The following KIAA1217 variants were observed in gnomAD, a reference collection of about 807,000 sequenced individuals.
KIAA1217 encodes the protein KIAA1217, also known as sickle tail protein homolog.
KIAA1217 carries 88 observed loss-of-function variants against 163.9 expected under a neutral mutation model. That is an observed-to-expected ratio of 0.54 (90% CI 0.45 to 0.64). KIAA1217 has a LOEUF of 0.64. Among genes scored for constraint, KIAA1217 ranks in the 30% least tolerant of loss-of-function variants. The pLI is 0.00. For synonymous variants in KIAA1217, 903 were observed against 923.1 expected, an observed-to-expected ratio of 0.98 and a Z score of 0.39; for missense variants, 2,372 against 2,475.0, an observed-to-expected ratio of 0.96 and a Z score of 0.88.
intron 1 of KIAA1217, among the ~76,000 whole-genome samples, chr10:23,804,242 G>T (rs549381751): frequency 6.6e-6 from 1 of 152,110 alleles, no homozygotes; most frequent in African/African-American, 2.4e-5. Flanking sequence ...TAAATCAACT[G>T]CCAGGATACC....
At chr10:24,176,813 G>C (rs917818655) in intron 2 of KIAA1217, among the ~76,000 whole-genome samples, 2 of 152,218 alleles carry the variant, frequency 1.3e-5, no homozygotes, top group Non-Finnish European at 2.9e-5. Flanking sequence ...CCATGCGGTA[G>C]CCCACGGGGC....
chr10:23,837,097 C>T (rs1485538797), intron 1 of KIAA1217, among the ~76,000 whole-genome samples: 2 of 152,136 alleles, frequency 1.3e-5, no homozygotes, highest in African/African-American at 2.4e-5. Flanking sequence ...TCCTTATAAG[C>T]GAGAACATGC....
chr10:24,245,016 T>C (rs1054223265), intron 2 of KIAA1217, among the ~76,000 whole-genome samples: 4 of 152,038 alleles, frequency 2.6e-5, no homozygotes, highest in African/African-American at 9.7e-5. Context: ...CTAGAGCTCT[T>C]ATAGAAAAGG....
intron 1 of KIAA1217, among the ~76,000 whole-genome samples, chr10:23,996,495 A>C (rs1293333748): frequency 1.3e-5 from 2 of 152,146 alleles, no homozygotes; most frequent in Admixed American, 1.3e-4. Flanking sequence ...CTGTGTATCC[A>C]ACACCTGTCA....
At chr10:24,503,572 C>G (rs888918579) in intron 9 of KIAA1217, among the ~76,000 whole-genome samples, 1 of 152,216 alleles carries the variant, frequency 6.6e-6, no homozygotes, top group Non-Finnish European at 1.5e-5. Flanking sequence ...TCAGTTCCAA[C>G]TGGCTCTTAA....
Position 23,764,546 on chromosome 10 carries a change from A to T in KIAA1217, c.-321+69312A>T, listed in dbSNP as rs533235003. 1.3e-3 allele frequency among the ~76,000 whole-genome samples: 191 copies of T among 152,338 alleles called. 1 individual carries two copies. Among genetic ancestry groups the T allele is most frequent in the Non-Finnish European group, 2.2e-3 (153 of 68,030 alleles). On this transcript the variant is annotated intron_variant, in intron 1 of 18. Coordinates refer to the KIAA1217 transcript ENST00000376462. ...ATAGCAAAAACATGGAACCAACCCA[A>T]ATGCCCAGCAATGATAGACTGGATA... is the stretch of plus-strand genomic sequence containing the variant.
rs1466134731 is a variant in KIAA1217 at position 24,524,662 on chromosome 10, T to G, written c.2796T>G (p.Ala932=). ...CCTCCACTCTGCAGATGTCGCAGGC[T>G]CCGCAGTCCCCACAGATACCCATGA... ...EATSTLQMSQ[A]PQSPQIPMNG... is the part of the protein sequence containing the mutation. The change falls in exon 13 of 21, where the codon GCT becomes GCG. Residue 932 remains alanine (A), a synonymous_variant. Transcript: ENST00000376454. 1 of 1,614,168 alleles carries G rather than the reference T, an allele frequency of 6.2e-7. No homozygotes were observed. Among genetic ancestry groups the G allele is most frequent in the East Asian group, 2.2e-5 (1 of 44,878 alleles).
chr10:24,499,514 C>T (rs2067244016), intron 8 of KIAA1217, among the ~76,000 whole-genome samples: 1 of 152,182 alleles, frequency 6.6e-6, no homozygotes, highest in Admixed American at 6.5e-5. Context: ...AGGTGGATCA[C>T]CTGAGGTCAG....
chr10:24,281,942 A>G (rs1564399366), intron 2 of KIAA1217, among the ~76,000 whole-genome samples: 1 of 152,138 alleles, frequency 6.6e-6, no homozygotes, highest in Non-Finnish European at 1.5e-5. Context: ...CTGTAGTCCC[A>G]GCTACTCAGG....
intron 4 of KIAA1217, among the ~76,000 whole-genome samples, chr10:24,433,951 G>A (rs2059803808): frequency 6.8e-6 from 1 of 147,966 alleles, no homozygotes; most frequent in Non-Finnish European, 1.5e-5. Flanking sequence ...TAAGCTAAAT[G>A]GACTCCTGCT....
At chr10:23,757,026 T>A (rs1343924744) in intron 1 of KIAA1217, among the ~76,000 whole-genome samples, 6 of 152,244 alleles carry the variant, frequency 3.9e-5, no homozygotes, top group African/African-American at 7.2e-5. Context: ...CCAAGTTTCA[T>A]CCATGTCATA....
intron 3 of KIAA1217, among the ~76,000 whole-genome samples, chr10:24,389,013 T>C (rs1237891285): frequency 2.6e-5 from 4 of 152,076 alleles, no homozygotes; most frequent in Non-Finnish European, 2.9e-5. Flanking sequence ...CTCAAGGATC[T>C]AGAACTAGAA....
At chr10:23,708,635 A>G (rs572972253) in intron 1 of KIAA1217, among the ~76,000 whole-genome samples, 1 of 152,312 alleles carries the variant, frequency 6.6e-6, no homozygotes, top group East Asian at 1.9e-4. Context: ...GCGGAAGGCC[A>G]CTGTGGTTGG....
At chr10:23,963,150 T>C (rs1383929678) in intron 1 of KIAA1217, among the ~76,000 whole-genome samples, 1 of 152,202 alleles carries the variant, frequency 6.6e-6, no homozygotes, top group Non-Finnish European at 1.5e-5. Context: ...AGTTTTGGGA[T>C]ACGTGTGCAG....
intron 3 of KIAA1217, among the ~76,000 whole-genome samples, chr10:24,396,072 C>T (rs1591584451): frequency 6.6e-6 from 1 of 152,186 alleles, no homozygotes; most frequent in East Asian, 1.9e-4. Flanking sequence ...CGTGGTGGCT[C>T]ACCCCTGTAA....
At position 24,264,761 on chromosome 10, in the gene KIAA1217, GTCTTTCTC is replaced by G. The variant is rs1274392673; in HGVS notation, c.354+44856_354+44863del. 7.6e-5 allele frequency among the ~76,000 whole-genome samples: 8 copies of G among 104,686 alleles called. No individual in the cohort carries two copies. The East Asian group carries it at 2.0e-3, about 26-fold the overall frequency. 68.7% of individuals were successfully genotyped at this position (104,686 alleles called of 152,430 possible). A position where few individuals can be genotyped will look rare whatever the true frequency, so the allele number is the denominator to read the frequency against. On this transcript the variant is annotated intron_variant, in intron 2 of 20. Transcript: ENST00000376454. The stretch of plus-strand genomic sequence containing the variant: ...TACTTGCTCTTGTGGTGGTCGGTCG[GTCTTTCTC>G]TCTCTCTCTCTCTCTCTCTCTCTCT...
chr10:24,153,254 C>T (rs2064707987), intron 2 of KIAA1217, among the ~76,000 whole-genome samples: 1 of 152,220 alleles, frequency 6.6e-6, no homozygotes, highest in South Asian at 2.1e-4. Context: ...GATTCACCAA[C>T]AGCTGAGACA....
intron 3 of KIAA1217, among the ~76,000 whole-genome samples, chr10:24,406,157 C>T (rs1015114191): frequency 2.0e-5 from 3 of 152,098 alleles, no homozygotes; most frequent in African/African-American, 7.2e-5. Context: ...AGTTGTGCTA[C>T]TTGGAAGAAT....
chr10:24,033,916 A>C (rs1425788904), intron 2 of KIAA1217, among the ~76,000 whole-genome samples: 1 of 152,230 alleles, frequency 6.6e-6, no homozygotes, highest in Non-Finnish European at 1.5e-5. Flanking sequence ...AAAGCTGAAA[A>C]TATTTACTGT....
Sources: gnomAD v4.1 joint callset for allele counts (sites outside exome capture counted in the v4.1 genomes callset) on GRCh38, gnomAD v4.1.1 for gene constraint, MANE v1.5 for transcripts, NCBI Gene and HGNC (gene_info 2026-07-23, HGNC 2026-07-21) for gene names.